DDX60L: variants seen among roughly 807,000 people sequenced by gnomAD.
DDX60L encodes the protein probable ATP-dependent RNA helicase DDX60-like.
DDX60L carries 191 observed loss-of-function variants against 211.6 expected under a neutral mutation model. That is an observed-to-expected ratio of 0.90 (90% CI 0.80 to 1.02). The LOEUF is 1.02. Among genes scored for constraint, DDX60L ranks in the 50% least tolerant of loss-of-function variants. The pLI is 0.00. For missense variants in DDX60L, 2,007 were observed against 1,984.1 expected (o/e 1.01, Z -0.22); for synonymous variants, 706 against 694.1 (o/e 1.02, Z -0.27).
intron 5 of DDX60L, among the ~76,000 whole-genome samples, chr4:168,459,774 GGGAAGGAAGGAAGGAA>G (rs70961524): frequency 7.0e-5 from 4 of 56,918 alleles, no homozygotes; most frequent in African/African-American, 2.3e-4. Context: ...GAAGGAAGGA[GGGAAGGAAGGAAGGAA>G]GGAAGGAAGG....
At chr4:168,420,508 C>A (rs1200703395) in intron 17 of DDX60L, 128 bp from the exon 18 acceptor site, 11 of 769,184 alleles carry the variant, frequency 1.4e-5, no homozygotes, top group Non-Finnish European at 7.8e-6. Flanking sequence ...ACACACACTT[C>A]AATGAAAATG....
Position 168,371,724 on chromosome 4 carries a change from G to A in DDX60L, c.4816C>T (p.Pro1606Ser), listed in dbSNP as rs1158970380. The change falls in exon 36 of 38, where the codon CCT becomes TCT. Residue 1606 changes from proline (P) to serine (S), a missense_variant. Transcript: ENST00000682922. ...TCTAATTTCCATGGCCACAGCAGAG[G>A]AGCCTGAGTGCCACTAACACCGACT... is the stretch of plus-strand genomic sequence containing the variant. ...RTVGVSGTQA[P>S]LLWPWKLDNR... is the part of the protein sequence containing the mutation. The A allele has an allele frequency of 3.7e-6, 6 of 1,611,070 alleles. No individual in the cohort carries two copies. The highest frequency in any genetic ancestry group is 4.2e-6 in the Non-Finnish European group (5 of 1,177,974).
chr4:168,460,561 G>A lies in DDX60L; in HGVS notation c.606+1138C>T, dbSNP rs73863615. Reference sequence around the variant, plus strand: ...GAAGCTAGAGACATACTCCTTTGGGGAAATCCACTGTCAACCTTTTATTCG... The same window carrying A: ...GAAGCTAGAGACATACTCCTTTGGGAAAATCCACTGTCAACCTTTTATTCG... On this transcript the variant is annotated intron_variant, in intron 5 of 37. Coordinates refer to ENST00000682922, the MANE Select transcript of DDX60L (RefSeq NM_001012967.3). Among the ~76,000 whole-genome samples, 1,013 of 152,134 alleles carry A rather than the reference G, an allele frequency of 6.7e-3. 14 individuals carry two copies. The highest frequency in any genetic ancestry group is 0.02 in the African/African-American group (843 of 41,478).
intron 35 of DDX60L, among the ~76,000 whole-genome samples, chr4:168,372,040 T>C (rs1005909012): frequency 3.3e-5 from 5 of 151,882 alleles, no homozygotes; most frequent in African/African-American, 1.2e-4. Flanking sequence ...CAAAGCATAC[T>C]GAAGGCAATT....
At chr4:168,396,626 C>T (rs528119921) in intron 26 of DDX60L, among the ~76,000 whole-genome samples, 1 of 152,024 alleles carries the variant, frequency 6.6e-6, no homozygotes, top group Non-Finnish European at 1.5e-5. Context: ...CCATTAAATA[C>T]TCTTTATTTT....
At chr4:168,430,075 T>C (rs1752113644) in intron 13 of DDX60L, among the ~76,000 whole-genome samples, 1 of 152,110 alleles carries the variant, frequency 6.6e-6, no homozygotes, top group Non-Finnish European at 1.5e-5. Flanking sequence ...GGTGGGTGCT[T>C]GTAATCCCAG....
chr4:168,453,782 T>TA (rs1451119990), intron 7 of DDX60L, among the ~76,000 whole-genome samples: 2 of 152,254 alleles, frequency 1.3e-5, no homozygotes, highest in South Asian at 2.1e-4. Context: ...TATGGAAGGT[T>TA]AAAAAAACCT....
intron 36 of DDX60L, among the ~76,000 whole-genome samples, chr4:168,362,143 C>T (rs1739222009): frequency 6.6e-6 from 1 of 152,238 alleles, no homozygotes; most frequent in South Asian, 2.1e-4. Context: ...AGCCTGGCAG[C>T]CAGGGCAGAG....
intron 30 of DDX60L, among the ~76,000 whole-genome samples, chr4:168,382,767 T>C (rs1274352976): frequency 1.3e-5 from 2 of 152,066 alleles, no homozygotes; most frequent in Non-Finnish European, 2.9e-5. Flanking sequence ...TTGACTTCCT[T>C]TATAAAGGAA....
intron 25 of DDX60L, among the ~76,000 whole-genome samples, chr4:168,403,448 A>C (rs540515506): frequency 1.3e-5 from 2 of 152,338 alleles, no homozygotes; most frequent in Admixed American, 1.3e-4. Flanking sequence ...TGATTATTAG[A>C]GTGGGTCCAG....
intron 10 of DDX60L, 127 bp downstream of exon 10, chr4:168,441,210 A>T: frequency 1.2e-6 from 1 of 868,522 alleles, no homozygotes; most frequent in Non-Finnish European, 1.8e-6. Flanking sequence ...AACCTCAATT[A>T]AGAGGTAAAC....
At chr4:168,448,814 G>A (rs760751743) in intron 8 of DDX60L, 35 bp from the exon 9 acceptor site, 19 of 1,577,020 alleles carry the variant, frequency 1.2e-5, no homozygotes, top group South Asian at 6.9e-5. Flanking sequence ...TTAGCAGGGA[G>A]GCATGGAATA....
chr4:168,456,225 G>A (rs1158052172), intron 6 of DDX60L, 73 bp from the exon 7 acceptor site: 4 of 854,288 alleles, frequency 4.7e-6, no homozygotes, highest in Non-Finnish European at 5.1e-6. Context: ...GCTCTTACTT[G>A]TAAGAAACAT....
intron 1 of DDX60L, among the ~76,000 whole-genome samples, chr4:168,479,977 G>T: frequency 2.1e-5 from 1 of 48,108 alleles, no homozygotes; most frequent in Non-Finnish European, 3.8e-5. Flanking sequence ...GAGCGAGACT[G>T]ACTCAAAAAA....
rs909470384 is a variant in DDX60L, at chr4:168,391,598, C to T, written c.3857G>A (p.Cys1286Tyr). 1 of 1,599,000 alleles carries T rather than the reference C, an allele frequency of 6.3e-7. No individual in the cohort carries two copies. Among genetic ancestry groups the T allele is most frequent in the Non-Finnish European group, 8.5e-7 (1 of 1,172,018 alleles). Residue 1286 changes from cysteine (C) to tyrosine (Y), a missense_variant, in exon 29 of 38, where the codon TGC becomes TAC. Cys to Tyr is a radical substitution (Grantham distance 194, BLOSUM62 -2). Coordinates refer to ENST00000682922, the MANE Select transcript of DDX60L (RefSeq NM_001012967.3). ...ETLALGIHMP[C>Y]KSVVFAQDSV... Reference sequence around the variant, plus strand: ...GTCTTGGGCAAAAACAACAGATTTGCATGGCATGTGGATCCCTAAGGCAAG... The same window carrying T: ...GTCTTGGGCAAAAACAACAGATTTGTATGGCATGTGGATCCCTAAGGCAAG...
At position 168,394,545 on chromosome 4, in the gene DDX60L, C is replaced by G. The variant is rs1011900451; in HGVS notation, c.3730G>C (p.Gly1244Arg). The G allele has an allele frequency of 6.2e-7, 1 of 1,613,490 alleles. No homozygotes were observed. The highest frequency in any genetic ancestry group is 1.3e-5 in the African/African-American group (1 of 74,910). Residue 1244 changes from glycine to arginine, a missense_variant, in exon 28 of 38, where the codon GGG (glycine) becomes CGG (arginine). Physicochemically the swap from Gly to Arg is moderately radical, Grantham distance 125 (BLOSUM62 -2). Transcript: ENST00000682922. ...GKELKALAQR[G>R]IGYHHSSMYF... Reference sequence around the variant, plus strand: ...ATGCTGCTGTGATGATATCCAATCCCCCTTTGTGCTAAAGCCTTCAGTTCT... The same window carrying G: ...ATGCTGCTGTGATGATATCCAATCCGCCTTTGTGCTAAAGCCTTCAGTTCT...
At chr4:168,383,293 T>C (rs1743279059) in intron 30 of DDX60L, among the ~76,000 whole-genome samples, 1 of 152,214 alleles carries the variant, frequency 6.6e-6, no homozygotes, top group African/African-American at 2.4e-5. Flanking sequence ...GAGCTATTGC[T>C]ACTGTTGACG....
chr4:168,453,076 G>A, intron 8 of DDX60L, 48 bp downstream of exon 8: 1 of 1,526,972 alleles, frequency 6.5e-7, no homozygotes, highest in Non-Finnish European at 8.9e-7. Flanking sequence ...AGGTGATCAT[G>A]GTTTTCATCT....
Position 168,427,203 on chromosome 4 carries a change from G to A in DDX60L, c.1797C>T (p.Asn599=). 1.2e-6 allele frequency: 2 copies of A among 1,613,398 alleles called. No homozygotes were observed. Among genetic ancestry groups the A allele is most frequent in the Non-Finnish European group, 1.7e-6 (2 of 1,179,590 alleles). ...ATTTCCTTATTCCAGAATGTAAATT[G>A]TTCTTCATCTCCTCTTCAATAGAAA... The part of the protein sequence containing the change: ...LLFSIEEEMK[N]NLHSGIRKLE... The change falls in exon 14 of 38, where the codon AAC becomes AAT. Residue 599 remains asparagine (N), a synonymous_variant. Transcript: ENST00000682922.
Sources: allele counts gnomAD v4.1 joint callset (sites outside exome capture counted in the v4.1 genomes callset), GRCh38; gene constraint gnomAD v4.1.1; transcripts MANE v1.5; gene names NCBI Gene and HGNC (gene_info 2026-07-23, HGNC 2026-07-21).